The following SLC5A4 variants were observed in gnomAD, a reference collection of about 807,000 sequenced individuals.
The protein encoded by SLC5A4 is probable glucose sensor protein SLC5A4.
Under a neutral mutation model 70.3 loss-of-function variants are expected in SLC5A4, and 55 were observed. The ratio of observed to expected loss-of-function variants is 0.78; its 90% CI spans 0.63 to 0.98. SLC5A4 has a LOEUF of 0.98. Ranked by LOEUF, SLC5A4 falls within the 50% of genes least tolerant of loss-of-function variation. The pLI is 0.00. For missense variants in SLC5A4, 735 were observed against 839.2 expected, an observed-to-expected ratio of 0.88 and a Z score of 1.53; for synonymous variants, 268 against 305.7, an observed-to-expected ratio of 0.88 and a Z score of 1.29.
At chr22:32,290,627 A>G in the SLC5A4 span, among the ~76,000 whole-genome samples, 1 of 152,210 alleles carries the variant, frequency 6.6e-6, no homozygotes, top group Non-Finnish European at 1.5e-5. Flanking sequence ...TACAAACAAT[A>G]GAAATTTATT....
the SLC5A4 span, among the ~76,000 whole-genome samples, chr22:32,332,671 C>T: frequency 6.6e-6 from 1 of 152,142 alleles, no homozygotes; most frequent in Non-Finnish European, 1.5e-5. Context: ...ATTATTCACA[C>T]CTCACTTGTA....
the SLC5A4 span, among the ~76,000 whole-genome samples, chr22:32,303,484 G>T: frequency 6.6e-6 from 1 of 152,172 alleles, no homozygotes; most frequent in Non-Finnish European, 1.5e-5. Flanking sequence ...ATCAGACATG[G>T]CATTTGTCTC....
At chr22:32,330,162 T>C in the SLC5A4 span, among the ~76,000 whole-genome samples, 2 of 130,868 alleles carry the variant, frequency 1.5e-5, no homozygotes, top group Non-Finnish European at 3.2e-5. Context: ...TTGGGGACTC[T>C]GTTGTGTGTG....
rs986818122 is a variant in SLC5A4 at position 32,239,556 on chromosome 22, A to T, written c.478-466T>A. On this transcript the variant is annotated intron_variant, in intron 5 of 14. Transcript: ENST00000266086. ...TATATATATATATATATATATATAT[A>T]TATATATATATATTTATATATATAT... is the stretch of plus-strand genomic sequence containing the variant. Among the ~76,000 whole-genome samples the T allele has an allele frequency of 1.3e-3, 28 of 20,872 alleles. 2 individuals are homozygous for T. The highest frequency in any genetic ancestry group is 4.3e-3 in the Admixed American group (8 of 1,844). 13.7% of individuals were successfully genotyped at this position (20,872 alleles called of 152,430 possible). A position where few individuals can be genotyped will look rare whatever the true frequency, so the allele number is the denominator to read the frequency against.
the SLC5A4 span, among the ~76,000 whole-genome samples, chr22:32,275,979 A>AT: frequency 6.6e-6 from 1 of 152,092 alleles, no homozygotes. Flanking sequence ...GATAATGAGC[A>AT]TTTTTTCACG....
intron 5 of SLC5A4, among the ~76,000 whole-genome samples, chr22:32,239,521 TATATATATATATA>T (rs1926268918): frequency 1.9e-4 from 1 of 5,382 alleles, no homozygotes; most frequent in Non-Finnish European, 2.8e-4. Context: ...GTGCATATTA[TATATATATATATA>T]TATATATATA....
chr22:32,272,246 C>T, the SLC5A4 span: 21 of 787,260 alleles, frequency 2.7e-5, no homozygotes, highest in South Asian at 8.3e-5. Flanking sequence ...AGGTGGTGCC[C>T]GAGCCCAGCC....
the SLC5A4 span, among the ~76,000 whole-genome samples, chr22:32,309,699 G>C: frequency 1.5e-4 from 23 of 152,056 alleles, no homozygotes; most frequent in Non-Finnish European, 2.6e-4. Flanking sequence ...ACACCCAAGT[G>C]CACACTTCTC....
the SLC5A4 span, among the ~76,000 whole-genome samples, chr22:32,333,171 C>A: frequency 2.0e-5 from 3 of 150,230 alleles, no homozygotes; most frequent in Non-Finnish European, 3.0e-5. Flanking sequence ...GGACTCCCAG[C>A]CCAGGACTCT....
At chr22:32,305,131 A>T in the SLC5A4 span, among the ~76,000 whole-genome samples, 1 of 152,170 alleles carries the variant, frequency 6.6e-6, no homozygotes, top group East Asian at 1.9e-4. Context: ...CAACTCATGT[A>T]CCGAGACCTT....
the SLC5A4 span, among the ~76,000 whole-genome samples, chr22:32,305,387 CTGAT>C: frequency 4.4e-5 from 6 of 135,640 alleles, no homozygotes; most frequent in African/African-American, 1.1e-4. Context: ...CTGCTGATCT[CTGAT>C]TGTGTGCCAG....
At chr22:32,304,208 CCT>C in the SLC5A4 span, among the ~76,000 whole-genome samples, 5 of 152,138 alleles carry the variant, frequency 3.3e-5, no homozygotes, top group African/African-American at 1.2e-4. Flanking sequence ...CCTACTGCAA[CCT>C]CTGTCTCCTG....
the SLC5A4 span, among the ~76,000 whole-genome samples, chr22:32,263,786 C>T: frequency 6.6e-6 from 1 of 152,176 alleles, no homozygotes; most frequent in Non-Finnish European, 1.5e-5. Flanking sequence ...ATAGCAAAGA[C>T]TTGGAACCAA....
At chr22:32,246,427 G>A (rs569164530) in intron 5 of SLC5A4, among the ~76,000 whole-genome samples, 38 of 152,300 alleles carry the variant, frequency 2.5e-4, no homozygotes, top group African/African-American at 8.9e-4. Context: ...GATACATGAG[G>A]AGCAAATAAG....
the SLC5A4 span, among the ~76,000 whole-genome samples, chr22:32,308,787 CTTGTGTGTCCATGCATGTGT>C: frequency 5.9e-5 from 9 of 152,224 alleles, no homozygotes; most frequent in African/African-American, 1.9e-4. Flanking sequence ...AGGGCATGTG[CTTGTGTGTCCATGCATGTGT>C]GTGCATGCAC....
chr22:32,335,437 CCACACA>C, the SLC5A4 span, among the ~76,000 whole-genome samples: 1 of 152,194 alleles, frequency 6.6e-6, no homozygotes. Context: ...GGACCTCTTT[CCACACA>C]CAGAGTGGAC....
the SLC5A4 span, among the ~76,000 whole-genome samples, chr22:32,301,987 A>C: frequency 6.6e-6 from 1 of 152,180 alleles, no homozygotes; most frequent in Non-Finnish European, 1.5e-5. Context: ...ATTAACTCAA[A>C]GTGGATCAAA....
At chr22:32,346,174 G>A in the SLC5A4 span, among the ~76,000 whole-genome samples, 20 of 152,108 alleles carry the variant, frequency 1.3e-4, no homozygotes, top group Non-Finnish European at 2.4e-4. Flanking sequence ...ACAGACCATA[G>A]GCAGCAATTT....
the SLC5A4 span, chr22:32,270,388 G>A: frequency 1.4e-6 from 2 of 1,447,858 alleles, no homozygotes; most frequent in Non-Finnish European, 1.9e-6. Context: ...GACAACCTTT[G>A]AGCTTCCCGG....
Sources: gnomAD v4.1 joint callset for allele counts (sites outside exome capture counted in the v4.1 genomes callset) on GRCh38, gnomAD v4.1.1 for gene constraint, MANE v1.5 for transcripts, NCBI Gene and HGNC (gene_info 2026-07-23, HGNC 2026-07-21) for gene names.